Variants in LRRIQ1 observed in about 807,000 individuals in gnomAD.
The protein encoded by LRRIQ1 is leucine rich repeats and IQ motif containing 1, also known as leucine-rich repeat- and IQ domain-containing protein 1.
LRRIQ1 carries 210 observed loss-of-function variants against 211.9 expected under a neutral mutation model. The observed-to-expected ratio is 0.99, with a 90% CI of 0.89 to 1.11. The LOEUF (loss-of-function observed/expected upper bound fraction) is 1.11. Among genes scored for constraint, LRRIQ1 ranks in the 50% most tolerant of loss-of-function variants. LRRIQ1 has a pLI of 0.00. For missense variants in LRRIQ1, 2,136 were observed against 1,939.5 expected, an observed-to-expected ratio of 1.10 and a Z score of -1.90; for synonymous variants, 699 against 650.1, an observed-to-expected ratio of 1.08 and a Z score of -1.14.
At chr12:85,188,419 G>T (rs183308145) in intron 24 of LRRIQ1, among the ~76,000 whole-genome samples, 69 of 152,102 alleles carry the variant, frequency 4.5e-4, no homozygotes, top group Admixed American at 9.8e-4. Flanking sequence ...CACAACTGGT[G>T]GCAACTCAGA....
At chr12:85,192,089 C>A (rs549896618) in intron 24 of LRRIQ1, among the ~76,000 whole-genome samples, 31 of 151,746 alleles carry the variant, frequency 2.0e-4, no homozygotes, top group African/African-American at 6.5e-4. Context: ...TATTCTGTCA[C>A]TCAGGTAATA....
chr12:85,242,380 T>G (rs1895505351), intron 26 of LRRIQ1, among the ~76,000 whole-genome samples: 1 of 151,880 alleles, frequency 6.6e-6, no homozygotes, highest in Non-Finnish European at 1.5e-5. Context: ...ATAACAACTA[T>G]TTATGTAGCA....
chr12:85,137,440 A>G (rs1025407673), intron 18 of LRRIQ1, among the ~76,000 whole-genome samples: 7 of 151,492 alleles, frequency 4.6e-5, no homozygotes, highest in African/African-American at 1.7e-4. Flanking sequence ...CCTGTATAAT[A>G]TGGCCATTTA....
chr12:85,044,835 A>G, intron 4 of LRRIQ1, 26 bp downstream of exon 4: 1 of 1,057,518 alleles, frequency 9.5e-7, no homozygotes, highest in East Asian at 2.5e-5. Flanking sequence ...TTGACTTAAA[A>G]TATTCACTAT....
chr12:85,220,899 C>A (rs115441576), intron 24 of LRRIQ1, among the ~76,000 whole-genome samples: 1 of 151,304 alleles, frequency 6.6e-6, no homozygotes, highest in African/African-American at 2.4e-5. Flanking sequence ...ACCCCTCCCC[C>A]CAGGTTCAAG....
At chr12:85,243,583 A>G (rs1895570680) in intron 26 of LRRIQ1, among the ~76,000 whole-genome samples, 2 of 151,018 alleles carry the variant, frequency 1.3e-5, no homozygotes, top group Admixed American at 6.7e-5. Context: ...ACATATGTTA[A>G]TTTGCTCAAT....
intron 11 of LRRIQ1, among the ~76,000 whole-genome samples, chr12:85,084,882 C>T (rs567778792): frequency 1.7e-4 from 25 of 150,902 alleles, no homozygotes; most frequent in African/African-American, 5.1e-4. Context: ...GCTGAGATCG[C>T]GCCACTGCAC....
At chr12:85,051,402 A>T (rs537209688) in intron 6 of LRRIQ1, among the ~76,000 whole-genome samples, 1 of 152,262 alleles carries the variant, frequency 6.6e-6, no homozygotes, top group East Asian at 1.9e-4. Flanking sequence ...TTGCTCACTG[A>T]TCTCATTGTC....
intron 24 of LRRIQ1, among the ~76,000 whole-genome samples, chr12:85,180,755 T>G (rs1891940886): frequency 1.3e-5 from 2 of 151,966 alleles, no homozygotes; most frequent in African/African-American, 4.8e-5. Context: ...ATTGCTATTA[T>G]CAGGAACAGT....
At chr12:85,167,056 A>T (rs1158916957) in intron 24 of LRRIQ1, among the ~76,000 whole-genome samples, 1 of 152,178 alleles carries the variant, frequency 6.6e-6, no homozygotes, top group Non-Finnish European at 1.5e-5. Flanking sequence ...ATGCTTATAT[A>T]ATATTTTTTA....
chr12:85,083,581 A>G (rs1884514786), intron 11 of LRRIQ1, among the ~76,000 whole-genome samples: 1 of 151,960 alleles, frequency 6.6e-6, no homozygotes, highest in South Asian at 2.1e-4. Context: ...CTGGGATTAC[A>G]GGCATGTGTC....
chr12:85,223,343 G>C (rs1181154074), intron 24 of LRRIQ1, among the ~76,000 whole-genome samples: 1 of 152,034 alleles, frequency 6.6e-6, no homozygotes, highest in Non-Finnish European at 1.5e-5. Context: ...CTGAAGGGAG[G>C]GAATACTTGA....
At chr12:85,221,869 T>C (rs1026664958) in intron 24 of LRRIQ1, among the ~76,000 whole-genome samples, 6 of 152,188 alleles carry the variant, frequency 3.9e-5, no homozygotes, top group Non-Finnish European at 8.8e-5. Flanking sequence ...ATTTGTACTT[T>C]AGCAAGATCA....
At position 85,040,508 on chromosome 12, in the gene LRRIQ1, G is replaced by A; in HGVS notation, c.151G>A (p.Glu51Lys). The A allele has an allele frequency of 6.5e-7, 1 of 1,545,592 alleles. No individual in the cohort carries two copies. The highest frequency in any genetic ancestry group is 1.3e-5 in the South Asian group (1 of 77,858). Residue 51 changes from glutamate to lysine, a missense_variant, in exon 3 of 27, where the codon GAA becomes AAA. Transcript: ENST00000393217. Reference sequence around the variant, plus strand: ...TTTTTAGGATTCAGTTGAATTACCAGAATCAGTTCTTCACTGTATTAACAT... The same window carrying A: ...TTTTTAGGATTCAGTTGAATTACCAAAATCAGTTCTTCACTGTATTAACAT... ...DSDTDSVELP[E>K]SVLHCINIIK...
intron 15 of LRRIQ1, among the ~76,000 whole-genome samples, chr12:85,111,323 C>A (rs889154137): frequency 1.3e-5 from 2 of 152,130 alleles, no homozygotes; most frequent in African/African-American, 2.4e-5. Flanking sequence ...CACTCATATT[C>A]CATTCCGTTG....
intron 11 of LRRIQ1, among the ~76,000 whole-genome samples, chr12:85,080,221 T>A (rs1411076577): frequency 2.0e-4 from 31 of 152,042 alleles, no homozygotes; most frequent in Non-Finnish European, 1.6e-4. Context: ...TAATTTTCTT[T>A]TTCCATTTTT....
Position 85,192,899 on chromosome 12 carries a change from C to A in LRRIQ1, c.4822+32185C>A, listed in dbSNP as rs1449493811. 1.1e-3 allele frequency among the ~76,000 whole-genome samples: 74 copies of A among 67,908 alleles called. 3 individuals are homozygous for A. Among genetic ancestry groups the A allele is most frequent in the African/African-American group, 6.4e-3 (73 of 11,428 alleles). The allele number at this position is 67,908 out of a possible 152,430, so 44.6% of individuals were successfully genotyped here. Reference sequence around the variant, plus strand: ...TTATACATAAATATATAGTTATATACTATAATTATACATAAATATATAATT... The same window carrying A: ...TTATACATAAATATATAGTTATATAATATAATTATACATAAATATATAATT... On this transcript the variant is annotated intron_variant, in intron 24 of 26. Transcript: ENST00000393217.
chr12:85,216,519 A>G (rs1048634536), intron 24 of LRRIQ1, among the ~76,000 whole-genome samples: 3 of 150,368 alleles, frequency 2.0e-5, no homozygotes, highest in African/African-American at 7.3e-5. Context: ...ATAATTCTTT[A>G]TATTTCATAG....
In LRRIQ1 at chr12:85,046,032, A is replaced by G. The variant is rs774053980; in HGVS notation, c.349A>G (p.Ile117Val). 11 of 1,602,068 alleles carry G rather than the reference A, an allele frequency of 6.9e-6. No homozygotes were observed. The highest frequency in any genetic ancestry group is 6.7e-5 in the East Asian group (3 of 44,674). The change falls in exon 5 of 27, where the codon ATA becomes GTA. Residue 117 changes from isoleucine (I) to valine (V), a missense_variant. Physicochemically the swap from Ile to Val is conservative, Grantham distance 29. Coordinates refer to ENST00000393217, the MANE Select transcript of LRRIQ1 (RefSeq NM_001079910.2). ...SEQLIKILSE[I>V]EKEEFMRSKT... ...TTTAACCTCTTAGATATTATCTGAA[A>G]TAGAAAAAGAAGAATTTATGAGAAG...
Sources: gnomAD v4.1 joint callset for allele counts (sites outside exome capture counted in the v4.1 genomes callset) on GRCh38, gnomAD v4.1.1 for gene constraint, MANE v1.5 for transcripts, NCBI Gene and HGNC (gene_info 2026-07-23, HGNC 2026-07-21) for gene names.